SLC25A28: variants seen among roughly 807,000 people sequenced by gnomAD.
SLC25A28 encodes the protein solute carrier family 25 member 28.
SLC25A28 carries 10 observed loss-of-function variants against 31.9 expected under a neutral mutation model. The observed-to-expected ratio is 0.31, with a 90% CI of 0.19 to 0.53. The LOEUF is 0.53. Ranked by LOEUF, SLC25A28 falls within the 20% of genes least tolerant of loss-of-function variation. SLC25A28 has a pLI of 0.95. For missense variants in SLC25A28, 256 were observed against 490.3 expected (o/e 0.52, Z 4.51); for synonymous variants, 208 against 203.6 (o/e 1.02, Z -0.19).
At chr10:99,641,756 A>T in the SLC25A28 span, among the ~76,000 whole-genome samples, 2 of 152,188 alleles carry the variant, frequency 1.3e-5, no homozygotes, top group African/African-American at 4.8e-5. Context: ...AGTTGTAAGG[A>T]AGGGATCCAG....
intron 1 of SLC25A28, chr10:99,616,540 T>A (rs2034660038): frequency 1.0e-6 from 1 of 985,254 alleles, no homozygotes; most frequent in African/African-American, 1.7e-5. Flanking sequence ...CATGGGCAAC[T>A]AACTGTCCTT....
the SLC25A28 span, among the ~76,000 whole-genome samples, chr10:99,655,660 C>T: frequency 2.0e-5 from 3 of 152,088 alleles, no homozygotes; most frequent in Non-Finnish European, 4.4e-5. Flanking sequence ...AGAAAACTTT[C>T]CCTAGAAATG....
upstream of SLC25A28, among the ~76,000 whole-genome samples, chr10:99,622,329 CA>C (rs2034811138): frequency 6.6e-6 from 1 of 151,968 alleles, no homozygotes; most frequent in East Asian, 1.9e-4. Context: ...GACTTTGTCT[CA>C]AAAAAATTTT....
At chr10:99,620,617 C>A, upstream of SLC25A28, 1 of 999,086 alleles carries the variant, frequency 1.0e-6, no homozygotes, top group Non-Finnish European at 1.2e-6. Context: ...CACCTTTTCC[C>A]CTTTGATCTT....
At chr10:99,618,184 A>G (rs895681692) in intron 1 of SLC25A28, 7 of 836,984 alleles carry the variant, frequency 8.4e-6, no homozygotes, top group Admixed American at 6.2e-5. Context: ...TTCTAGAAGC[A>G]TTTTTAACAG....
At chr10:99,628,746 G>A in the SLC25A28 span, among the ~76,000 whole-genome samples, 7 of 152,280 alleles carry the variant, frequency 4.6e-5, no homozygotes, top group South Asian at 1.2e-3. Context: ...GTTTGAACCC[G>A]GGAGGCAGAG....
Position 99,620,372 on chromosome 10 carries a change from G to GCTGCCACCA in SLC25A28, c.-46_-38dup, listed in dbSNP as rs2034761433. The GCTGCCACCA allele has an allele frequency of 8.3e-6, 8 of 960,604 alleles. No homozygotes were observed. The highest frequency in any genetic ancestry group is 4.4e-5 in the African/African-American group (2 of 45,266). The allele number at this position is 960,604 out of a possible 1,614,324, so 59.5% of individuals were successfully genotyped here. A position where few individuals can be genotyped will look rare whatever the true frequency, so the allele number is the denominator to read the frequency against. On this transcript the variant is annotated 5_prime_UTR_variant, in exon 1 of 4. Transcript: ENST00000370495. Reference sequence around the variant, plus strand: ...AGCTGCGGCGCCCACCCCCGCCGCCGCTGCCACCACTGCCGCCGCCGCCCC... The same window carrying GCTGCCACCA: ...AGCTGCGGCGCCCACCCCCGCCGCCGCTGCCACCACTGCCACCACTGCCGCCGCCGCCCC...
At chr10:99,622,349 G>A (rs1328124055), upstream of SLC25A28, among the ~76,000 whole-genome samples, 1 of 151,948 alleles carries the variant, frequency 6.6e-6, no homozygotes, top group African/African-American at 2.4e-5. Context: ...TTTTTAAAAG[G>A]AACTTCTCCC....
At chr10:99,617,396 T>C in intron 1 of SLC25A28, 3 of 985,466 alleles carry the variant, frequency 3.0e-6, no homozygotes, top group South Asian at 4.7e-5. Flanking sequence ...TGGACAGGCC[T>C]GCATGTCAAA....
chr10:99,618,182 G>T, intron 1 of SLC25A28: 1 of 804,878 alleles, frequency 1.2e-6, no homozygotes, highest in Non-Finnish European at 1.5e-6. Context: ...TATTCTAGAA[G>T]CATTTTTAAC....
chr10:99,618,657 C>T (rs1158253947), intron 1 of SLC25A28: 1 of 985,300 alleles, frequency 1.0e-6, no homozygotes, highest in Admixed American at 6.2e-5. Context: ...ATTCTAATGT[C>T]CATTTTAGTC....
At chr10:99,620,569 C>G, upstream of SLC25A28, 1 of 1,017,370 alleles carries the variant, frequency 9.8e-7, no homozygotes, top group Non-Finnish European at 1.2e-6. Context: ...AGTCGCCTGT[C>G]ATTCCTCCGC....
chr10:99,616,953 T>A (rs527493954), intron 1 of SLC25A28: 1 of 984,114 alleles, frequency 1.0e-6, no homozygotes, highest in African/African-American at 1.7e-5. Flanking sequence ...TATTACTAGA[T>A]GCAAGAAAAT....
At chr10:99,630,843 C>A in the SLC25A28 span, among the ~76,000 whole-genome samples, 1 of 152,116 alleles carries the variant, frequency 6.6e-6, no homozygotes, top group African/African-American at 2.4e-5. Context: ...AGGAAAGGCA[C>A]ATGATATACT....
At chr10:99,652,797 G>GAAT in the SLC25A28 span, among the ~76,000 whole-genome samples, 2 of 151,988 alleles carry the variant, frequency 1.3e-5, no homozygotes, top group Non-Finnish European at 2.9e-5. Flanking sequence ...AATGACCTGT[G>GAAT]GTACTGATTT....
chr10:99,644,647 C>A, the SLC25A28 span, among the ~76,000 whole-genome samples: 2 of 152,178 alleles, frequency 1.3e-5, no homozygotes, highest in Admixed American at 1.3e-4. Context: ...TTCTTCCTAG[C>A]ATCAATGGTC....
Position 99,610,731 on chromosome 10 carries a change from G to A in SLC25A28, c.*118C>T. 7.6e-7 allele frequency: 1 copy of A among 1,322,760 alleles called. No individual in the cohort carries two copies. The highest frequency in any genetic ancestry group is 1.0e-6 in the Non-Finnish European group (1 of 966,694). 81.9% of individuals were successfully genotyped at this position (1,322,760 alleles called of 1,614,324 possible). A position where few individuals can be genotyped will look rare whatever the true frequency, so the allele number is the denominator to read the frequency against. ...GTTAGTCAAAACACCAAAATCCTGG[G>A]GGAGAGCCCCTCTACCTTCCTTCTA... is the stretch of plus-strand genomic sequence containing the variant. On this transcript the variant is annotated 3_prime_UTR_variant, in exon 4 of 4. Coordinates refer to ENST00000370495, the MANE Select transcript of SLC25A28 (RefSeq NM_031212.4).
At chr10:99,618,283 G>A (rs2034703812) in intron 1 of SLC25A28, 1 of 983,626 alleles carries the variant, frequency 1.0e-6, no homozygotes, top group Non-Finnish European at 1.2e-6. Flanking sequence ...ATGGAACAGT[G>A]GTTAAATTGA....
chr10:99,622,591 T>A (rs2034817212), upstream of SLC25A28: 4 of 942,298 alleles, frequency 4.2e-6, no homozygotes, highest in Non-Finnish European at 5.1e-6. Context: ...CTTTTTCCTA[T>A]TCCCGTTTTT....
Sources: allele counts gnomAD v4.1 joint callset (sites outside exome capture counted in the v4.1 genomes callset), GRCh38; gene constraint gnomAD v4.1.1; transcripts MANE v1.5; gene names NCBI Gene and HGNC (gene_info 2026-07-23, HGNC 2026-07-21).